Variants in ATP11B observed in about 807,000 individuals in gnomAD.
The protein encoded by ATP11B is ATPase phospholipid transporting 11B (putative).
ATP11B carries 81 observed loss-of-function variants against 157.8 expected under a neutral mutation model. The ratio of observed to expected loss-of-function variants is 0.51; its 90% CI spans 0.43 to 0.62. The LOEUF is 0.62. Ranked by LOEUF, ATP11B falls within the 20% of genes least tolerant of loss-of-function variation. The probability of loss-of-function intolerance (pLI) is 0.00; values close to 1 mark genes in which losing one functional copy is unlikely to be tolerated. For synonymous variants in ATP11B, 451 were observed against 469.4 expected (o/e 0.96, Z 0.51); for missense variants, 1,165 against 1,402.2 (o/e 0.83, Z 2.70).
intron 12 of ATP11B, among the ~76,000 whole-genome samples, chr3:182,861,276 G>T (rs933386954): frequency 6.6e-6 from 1 of 152,046 alleles, no homozygotes; most frequent in African/African-American, 2.4e-5. Context: ...TATTGGTCAG[G>T]CTGGTCTCAA....
At chr3:182,847,404 G>T (rs921056163) in intron 9 of ATP11B, among the ~76,000 whole-genome samples, 1 of 152,100 alleles carries the variant, frequency 6.6e-6, no homozygotes, top group African/African-American at 2.4e-5. Context: ...AATGAATGGG[G>T]TCCAAATTTT....
At chr3:182,840,509 C>T (rs896109064) in intron 7 of ATP11B, among the ~76,000 whole-genome samples, 2 of 152,158 alleles carry the variant, frequency 1.3e-5, no homozygotes, top group African/African-American at 4.8e-5. Context: ...TCTACAGTTC[C>T]ACCTGGATAT....
At chr3:182,794,544 A>G (rs1264405410) in intron 1 of ATP11B, among the ~76,000 whole-genome samples, 2 of 152,132 alleles carry the variant, frequency 1.3e-5, no homozygotes, top group Non-Finnish European at 2.9e-5. Flanking sequence ...TTTGAACGAC[A>G]CAGGTTTGGA....
At chr3:182,866,469 T>C (rs1721241801) in intron 14 of ATP11B, 26 bp downstream of exon 14, 1 of 1,487,652 alleles carries the variant, frequency 6.7e-7, no homozygotes, top group East Asian at 2.4e-5. Context: ...TTCCAAATCT[T>C]CGGAAAAACA....
In ATP11B at chr3:182,828,101, T is replaced by C; in HGVS notation, c.145-19T>C. 8.7e-7 allele frequency: 1 copy of C among 1,150,828 alleles called. No individual in the cohort carries two copies. Among genetic ancestry groups the C allele is most frequent in the Non-Finnish European group, 1.2e-6 (1 of 819,938 alleles). 71.3% of individuals were successfully genotyped at this position (1,150,828 alleles called of 1,614,324 possible). A position where few individuals can be genotyped will look rare whatever the true frequency, so the allele number is the denominator to read the frequency against. Reference sequence around the variant, plus strand: ...GATATTATTTTTAAATATTAATTTATTGATCTCTTTCTTTTTAGTACACTG... The same window carrying C: ...GATATTATTTTTAAATATTAATTTACTGATCTCTTTCTTTTTAGTACACTG... On this transcript the variant is annotated intron_variant, in intron 2 of 29. Transcript: ENST00000323116.
chr3:182,823,495 C>T (rs36192711), intron 2 of ATP11B, among the ~76,000 whole-genome samples: 1 of 152,030 alleles, frequency 6.6e-6, no homozygotes, highest in African/African-American at 2.4e-5. Context: ...GGTACCAGTA[C>T]CATGCTGTTT....
chr3:182,829,459 G>A (rs1320181914), intron 3 of ATP11B, among the ~76,000 whole-genome samples: 1 of 152,178 alleles, frequency 6.6e-6, no homozygotes, highest in Non-Finnish European at 1.5e-5. Context: ...AGAACTTTGT[G>A]TTTAAACAGA....
At position 182,896,753 on chromosome 3, in the gene ATP11B, A is replaced by C. The variant is rs750974769; in HGVS notation, c.3036A>C (p.Thr1012=). 6.2e-7 allele frequency: 1 copy of C among 1,612,928 alleles called. No individual in the cohort carries two copies. The highest frequency in any genetic ancestry group is 1.1e-5 in the South Asian group (1 of 91,028). ...TGGTCTTCACAGTCATGGTTATTAC[A>C]GTCACAGTAAAGGTATGGTACTGAA... is the stretch of plus-strand genomic sequence containing the variant. The part of the protein sequence containing the change: ...GTLVFTVMVI[T]VTVKMALETH... The change falls in exon 26 of 30, where the codon ACA becomes ACC. Residue 1012 remains threonine, a synonymous_variant. Transcript: ENST00000323116.
intron 10 of ATP11B, among the ~76,000 whole-genome samples, chr3:182,851,562 A>G (rs1201569312): frequency 6.6e-6 from 1 of 152,226 alleles, no homozygotes; most frequent in East Asian, 1.9e-4. Context: ...AAGGTCTTAC[A>G]TTTTACATGA....
intron 28 of ATP11B, among the ~76,000 whole-genome samples, chr3:182,905,220 A>G (rs556876755): frequency 6.6e-5 from 10 of 152,360 alleles, no homozygotes; most frequent in Non-Finnish European, 7.3e-5. Context: ...AAAGATGGCT[A>G]TGGAAACATT....
At chr3:182,806,926 C>G (rs767069784) in intron 1 of ATP11B, among the ~76,000 whole-genome samples, 14 of 152,006 alleles carry the variant, frequency 9.2e-5, no homozygotes, top group Non-Finnish European at 1.5e-4. Flanking sequence ...TCCGGCTATT[C>G]TTATCCTATA....
intron 1 of ATP11B, among the ~76,000 whole-genome samples, chr3:182,801,347 G>A (rs1264147831): frequency 7.2e-5 from 11 of 152,168 alleles, no homozygotes; most frequent in Non-Finnish European, 8.8e-5. Flanking sequence ...ATTCATTCAC[G>A]TACATTTTGG....
chr3:182,822,894 A>C (rs1015981914), intron 2 of ATP11B, among the ~76,000 whole-genome samples: 1 of 152,128 alleles, frequency 6.6e-6, no homozygotes, highest in Non-Finnish European at 1.5e-5. Flanking sequence ...TTTCATGTGT[A>C]TTTTGGCTGC....
intron 1 of ATP11B, among the ~76,000 whole-genome samples, chr3:182,800,874 A>G (rs533727993): frequency 2.3e-5 from 1 of 44,310 alleles, no homozygotes; most frequent in African/African-American, 8.8e-5. Context: ...TCCGCCCCCC[A>G]CCCCCCCCAG....
chr3:182,885,789 G>A lies in ATP11B; in HGVS notation c.2656-162G>A, dbSNP rs1722756966. Among the ~76,000 whole-genome samples, 4 of 152,198 alleles carry A rather than the reference G, an allele frequency of 2.6e-5. No individual in the cohort carries two copies. In the South Asian group the frequency reaches 8.3e-4, roughly 32 times the overall value. ...GTTTTTAGACATTTTTTGATAAAAT[G>A]GGAATCCTGCATTCCTGTTATATAT... On this transcript the variant is annotated intron_variant, in intron 22 of 29. Coordinates refer to ENST00000323116, the MANE Select transcript of ATP11B (RefSeq NM_014616.3).
intron 1 of ATP11B, among the ~76,000 whole-genome samples, chr3:182,809,538 C>T (rs1302658511): frequency 6.6e-6 from 1 of 152,170 alleles, no homozygotes. Context: ...TGTGAGCCAC[C>T]ACGCCCTGCC....
At chr3:182,914,832 G>T in intron 29 of ATP11B, 1 of 985,344 alleles carries the variant, frequency 1.0e-6, no homozygotes, top group Non-Finnish European at 1.2e-6. Context: ...GGGGTAGAAA[G>T]AGCTTTTTCC....
chr3:182,897,345 G>C lies in ATP11B; in HGVS notation c.3091G>C (p.Val1031Leu). 1 of 1,588,644 alleles carries C rather than the reference G, an allele frequency of 6.3e-7. No individual in the cohort carries two copies. The highest frequency in any genetic ancestry group is 1.9e-5 in the Admixed American group (1 of 53,568). Residue 1031 changes from valine to leucine, a missense_variant, in exon 27 of 30, where the codon GTT (valine) becomes CTT (leucine). By Grantham distance (32) the Val-to-Leu change is conservative. Transcript: ENST00000323116. Reference protein sequence around the residue: ...THFWTWINHLVTWGSIIFYFV... With the variant: ...THFWTWINHLLTWGSIIFYFV... ...TTTTTGGACTTGGATCAACCATCTC[G>C]TTACCTGGGGATCTATTATATTTTA...
At position 182,918,261 on chromosome 3, in the gene ATP11B, AT is replaced by A; in HGVS notation, c.*159del. On this transcript the variant is annotated 3_prime_UTR_variant, in exon 30 of 30. Transcript: ENST00000323116. Reference sequence around the variant, plus strand: ...TTATAATGGCAAACAAACAGAAAGCATTAGTACAAGCCCCTCCCAACACCCT... The same window carrying A: ...TTATAATGGCAAACAAACAGAAAGCATAGTACAAGCCCCTCCCAACACCCT... 1 of 1,073,760 alleles carries A rather than the reference AT, an allele frequency of 9.3e-7. No individual in the cohort carries two copies. Among genetic ancestry groups the A allele is most frequent in the Non-Finnish European group, 1.3e-6 (1 of 773,728 alleles). 66.5% of individuals were successfully genotyped at this position (1,073,760 alleles called of 1,614,324 possible).
Sources: gnomAD v4.1 joint callset for allele counts (sites outside exome capture counted in the v4.1 genomes callset) on GRCh38, gnomAD v4.1.1 for gene constraint, MANE v1.5 for transcripts, NCBI Gene and HGNC (gene_info 2026-07-23, HGNC 2026-07-21) for gene names.